Variants in EML6 observed in about 807,000 individuals in gnomAD.
EML6 encodes echinoderm microtubule-associated protein-like 6.
A neutral mutation model predicts 240.1 loss-of-function variants in EML6; 154 were observed. The observed-to-expected ratio is 0.64, with a 90% confidence interval of 0.56 to 0.73. The LOEUF is 0.73. EML6 is among the 30% of genes least tolerant of loss of function. EML6 has a pLI of 0.00. For synonymous variants in EML6, 1,148 were observed against 899.0 expected (o/e 1.28, Z -4.95); for missense variants, 2,964 against 2,474.6 (o/e 1.20, Z -4.20).
chr2:54,959,396 T>C (rs1382636573), intron 34 of EML6, 135 bp downstream of exon 34: 5 of 833,414 alleles, frequency 6.0e-6, no homozygotes, highest in Non-Finnish European at 7.2e-6. Context: ...ATCAGTCTGC[T>C]CTCTCTCCAA....
intron 2 of EML6, among the ~76,000 whole-genome samples, chr2:54,749,302 A>G (rs1684049871): frequency 6.6e-6 from 1 of 152,220 alleles, no homozygotes; most frequent in South Asian, 2.1e-4. Flanking sequence ...CTACATTTAC[A>G]CATGTGAAGA....
At chr2:54,827,161 C>T (rs1210394854) in intron 5 of EML6, among the ~76,000 whole-genome samples, 1 of 152,192 alleles carries the variant, frequency 6.6e-6, no homozygotes, top group Non-Finnish European at 1.5e-5. Context: ...CAGACTATCA[C>T]AATTTTCCTT....
intron 5 of EML6, among the ~76,000 whole-genome samples, chr2:54,822,057 G>C (rs1447343642): frequency 6.6e-6 from 1 of 152,108 alleles, no homozygotes; most frequent in African/African-American, 2.4e-5. Context: ...ATAGATACTG[G>C]GTTGTTCTCA....
At chr2:54,966,558 C>T (rs1676755696) in intron 38 of EML6, among the ~76,000 whole-genome samples, 1 of 152,234 alleles carries the variant, frequency 6.6e-6, no homozygotes, top group Non-Finnish European at 1.5e-5. Context: ...ACCTGCCTTA[C>T]CTCTGTACCA....
chr2:54,907,842 C>T (rs1206000736), intron 24 of EML6, among the ~76,000 whole-genome samples: 5 of 152,112 alleles, frequency 3.3e-5, no homozygotes, highest in East Asian at 1.9e-4. Flanking sequence ...CTTGCTTCTG[C>T]TCCTCATCCT....
chr2:54,836,274 C>G (rs1402372120), intron 7 of EML6, among the ~76,000 whole-genome samples: 2 of 152,192 alleles, frequency 1.3e-5, no homozygotes, highest in Non-Finnish European at 2.9e-5. Context: ...TAAAAGCTAG[C>G]CTGGGTGGGT....
intron 2 of EML6, among the ~76,000 whole-genome samples, chr2:54,766,204 A>G (rs1668183177): frequency 6.6e-6 from 1 of 152,272 alleles, no homozygotes; most frequent in Non-Finnish European, 1.5e-5. Flanking sequence ...TTCAAAATCA[A>G]TAAAATAATA....
intron 8 of EML6, among the ~76,000 whole-genome samples, chr2:54,844,796 T>G (rs757026304): frequency 2.6e-5 from 4 of 152,232 alleles, no homozygotes; most frequent in South Asian, 2.1e-4. Flanking sequence ...TTTCTTGCTG[T>G]GGATCATTTT....
intron 13 of EML6, among the ~76,000 whole-genome samples, chr2:54,864,152 C>T (rs905676645): frequency 4.6e-5 from 7 of 152,100 alleles, no homozygotes; most frequent in African/African-American, 1.7e-4. Context: ...CTCCCTAGCA[C>T]CTAAAACTTT....
At position 54,735,249 on chromosome 2, in the gene EML6, A is replaced by G. The variant is rs1683341498; in HGVS notation, c.197+9991A>G. Among the ~76,000 whole-genome samples the G allele has an allele frequency of 2.0e-5, 3 of 152,144 alleles. No individual in the cohort carries two copies. In the South Asian group the frequency reaches 6.2e-4, roughly 31 times the overall value. The stretch of plus-strand genomic sequence containing the variant: ...TTCTGGAGTCATTGCATCGTGTTGC[A>G]TTTGTTGACTTACCCATGTTTCCAT... On this transcript the variant is annotated intron_variant, in intron 2 of 41. Coordinates refer to ENST00000356458, the MANE Select transcript of EML6 (RefSeq NM_001039753.4).
chr2:54,804,585 A>G (rs78902044), intron 2 of EML6, among the ~76,000 whole-genome samples: 3,518 of 152,356 alleles, frequency 0.023, 140 homozygotes, highest in African/African-American at 0.079. Flanking sequence ...GAAGACTTCT[A>G]AACCAACAGA....
intron 2 of EML6, among the ~76,000 whole-genome samples, chr2:54,752,108 G>A (rs1684202334): frequency 6.6e-6 from 1 of 152,130 alleles, no homozygotes; most frequent in South Asian, 2.1e-4. Flanking sequence ...ATTACACTGT[G>A]TTTAAATTAC....
intron 25 of EML6, among the ~76,000 whole-genome samples, chr2:54,915,305 G>A (rs978651693): frequency 6.6e-6 from 1 of 152,098 alleles, no homozygotes; most frequent in Non-Finnish European, 1.5e-5. Context: ...TTTCCTGCTG[G>A]GATGAGGCCA....
intron 3 of EML6, among the ~76,000 whole-genome samples, chr2:54,816,195 G>A (rs1451543208): frequency 6.6e-6 from 1 of 152,100 alleles, no homozygotes; most frequent in Non-Finnish European, 1.5e-5. Flanking sequence ...ATAATCATGT[G>A]GGTTGCATTT....
At chr2:54,843,844 CAAAAAA>C (rs34580151) in intron 7 of EML6, among the ~76,000 whole-genome samples, 197 bp from the exon 8 acceptor site, 3 of 108,896 alleles carry the variant, frequency 2.8e-5, no homozygotes, top group Non-Finnish European at 1.8e-5. Context: ...GACTCCATCT[CAAAAAA>C]AAAAAAAAAA....
At chr2:54,864,719 G>A (rs1460231054) in intron 13 of EML6, among the ~76,000 whole-genome samples, 1 of 152,176 alleles carries the variant, frequency 6.6e-6, no homozygotes, top group African/African-American at 2.4e-5. Flanking sequence ...AAAGTAACTT[G>A]CCCATGTCCA....
chr2:54,852,456 G>A (rs1300954217), intron 10 of EML6, among the ~76,000 whole-genome samples: 1 of 152,028 alleles, frequency 6.6e-6, no homozygotes, highest in Non-Finnish European at 1.5e-5. Context: ...CCTGTTCAGG[G>A]GTGGCATCAT....
At chr2:54,881,142 G>A (rs1671787303) in intron 17 of EML6, 1 of 152,120 alleles carries the variant, frequency 6.6e-6, no homozygotes, top group African/African-American at 2.4e-5. Context: ...GAACATTTTG[G>A]ATTGACATTA....
chr2:54,797,512 C>T (rs1197514689), intron 2 of EML6, among the ~76,000 whole-genome samples: 1 of 151,980 alleles, frequency 6.6e-6, no homozygotes, highest in Non-Finnish European at 1.5e-5. Context: ...TGCAATAAAG[C>T]GAGTCACACA....
Sources: allele counts gnomAD v4.1 joint callset (sites outside exome capture counted in the v4.1 genomes callset), GRCh38; gene constraint gnomAD v4.1.1; transcripts MANE v1.5; gene names NCBI Gene and HGNC (gene_info 2026-07-23, HGNC 2026-07-21).